Variants in CDC23 observed in about 807,000 individuals in gnomAD.
CDC23 encodes cell division cycle protein 23 homolog.
In CDC23, 26 loss-of-function variants were observed where a neutral mutation model predicts 81.7. The observed-to-expected ratio is 0.32, with a 90% CI of 0.23 to 0.44. The LOEUF (loss-of-function observed/expected upper bound fraction) is 0.44. Among genes scored for constraint, CDC23 ranks in the 20% least tolerant of loss-of-function variants. The pLI is 1.00. For synonymous variants in CDC23, 267 were observed against 270.8 expected (o/e 0.99, Z 0.14); for missense variants, 519 against 728.0 (o/e 0.71, Z 3.30).
At chr5:138,206,401 T>A in intron 3 of CDC23, 146 bp downstream of exon 3, 1 of 786,578 alleles carries the variant, frequency 1.3e-6, no homozygotes, top group Non-Finnish European at 2.1e-6. Flanking sequence ...ACTTTATTTA[T>A]GATATCTTTT....
Position 138,192,162 on chromosome 5 carries a change from C to T in CDC23, c.1286+107G>A, listed in dbSNP as rs959773785. 3.5e-6 allele frequency: 5 copies of T among 1,425,380 alleles called. No individual in the cohort carries two copies. The East Asian group carries it at 1.1e-4, about 33-fold the overall frequency. The allele number at this position is 1,425,380 out of a possible 1,614,324, so 88.3% of individuals were successfully genotyped here. A position where few individuals can be genotyped will look rare whatever the true frequency, so the allele number is the denominator to read the frequency against. On this transcript the variant is annotated intron_variant, in intron 11 of 15. Transcript: ENST00000394886. ...CTTCAGCAACTTTAACCTCAGATCC[C>T]CAAGAGCCAAAACCATCCACTGTGA...
At position 138,192,398 on chromosome 5, in the gene CDC23, G is replaced by A. The variant is rs1754836703; in HGVS notation, c.1167-10C>T. 4 of 1,614,148 alleles carry A rather than the reference G, an allele frequency of 2.5e-6. No individual in the cohort carries two copies. The highest frequency in any genetic ancestry group is 2.5e-6 in the Non-Finnish European group (3 of 1,180,028). On this transcript the variant is annotated splice_polypyrimidine_tract_variant and intron_variant, in intron 10 of 15. Transcript: ENST00000394886. ...GACCTCAATGGCATGTCTAAGAAATGGAAAAGACAGGTTGTTAAGAAGGCA... is the reference window on the plus strand; with the variant it reads ...GACCTCAATGGCATGTCTAAGAAATAGAAAAGACAGGTTGTTAAGAAGGCA...
At position 138,198,631 on chromosome 5, in the gene CDC23, A is replaced by T; in HGVS notation, c.806T>A (p.Ile269Asn). 6.2e-7 allele frequency: 1 copy of T among 1,614,168 alleles called. No homozygotes were observed. Among genetic ancestry groups the T allele is most frequent in the East Asian group, 2.2e-5 (1 of 44,878 alleles). The change falls in exon 7 of 16, where the codon ATT becomes AAT. Residue 269 changes from isoleucine to asparagine, a missense_variant. This residue lies in a region of CDC23 where 180 missense variants were observed against 239.3 expected (regional missense o/e 0.75). Coordinates refer to ENST00000394886, the MANE Select transcript of CDC23 (RefSeq NM_004661.4). ...FSKSSYIVSQ[I>N]AVAYHNIRDI... The stretch of plus-strand genomic sequence containing the variant: ...TCTGATATTGTGATAGGCAACTGCA[A>T]TTTGGGAAACAATATACGAGCTCTT...
chr5:138,199,271 G>C (rs1319466899), intron 6 of CDC23, among the ~76,000 whole-genome samples: 1 of 152,118 alleles, frequency 6.6e-6, no homozygotes, highest in Non-Finnish European at 1.5e-5. Context: ...TTCAGTAAGA[G>C]AATGACATGA....
chr5:138,194,718 CTT>C (rs926814787), intron 9 of CDC23, among the ~76,000 whole-genome samples: 11 of 118,762 alleles, frequency 9.3e-5, no homozygotes, highest in African/African-American at 1.9e-4. Flanking sequence ...TTTTTGGTGT[CTT>C]TTTTTTTTTT....
chr5:138,209,555 T>C (rs1755090423), intron 2 of CDC23, among the ~76,000 whole-genome samples: 1 of 152,162 alleles, frequency 6.6e-6, no homozygotes, highest in Non-Finnish European at 1.5e-5. Flanking sequence ...CCGGGTGTGG[T>C]GGCTCACACC....
intron 3 of CDC23, among the ~76,000 whole-genome samples, chr5:138,203,133 A>C (rs1755007160): frequency 6.6e-6 from 1 of 152,230 alleles, no homozygotes; most frequent in Non-Finnish European, 1.5e-5. Flanking sequence ...GGAAAGATTC[A>C]CATACCAAGA....
chr5:138,213,132 T>G lies in CDC23; in HGVS notation c.161+20A>C. ...AGGCCAAGGATCCAAGCCCCGTCCCTTCCCACTCCAACATCTCACCATTTG... is the reference window on the plus strand; with the variant it reads ...AGGCCAAGGATCCAAGCCCCGTCCCGTCCCACTCCAACATCTCACCATTTG... On this transcript the variant is annotated intron_variant, in intron 1 of 15. Transcript: ENST00000394886. The G allele has an allele frequency of 6.2e-7, 1 of 1,614,066 alleles. No individual in the cohort carries two copies. Among genetic ancestry groups the G allele is most frequent in the Non-Finnish European group, 8.5e-7 (1 of 1,179,984 alleles).
intron 2 of CDC23, among the ~76,000 whole-genome samples, chr5:138,211,889 G>A (rs1337143652): frequency 1.3e-5 from 2 of 152,124 alleles, no homozygotes; most frequent in Admixed American, 6.6e-5. Flanking sequence ...AAGAGTAAAA[G>A]CTAATGAGAC....
intron 4 of CDC23, among the ~76,000 whole-genome samples, chr5:138,201,823 G>A (rs919316798): frequency 3.9e-5 from 6 of 152,034 alleles, no homozygotes; most frequent in African/African-American, 7.2e-5. Context: ...ATTTGAATTC[G>A]TTATGAATGT....
chr5:138,192,766 C>T (rs1484532719), intron 9 of CDC23, 109 bp from the exon 10 acceptor site: 1 of 946,134 alleles, frequency 1.1e-6, no homozygotes, highest in Non-Finnish European at 1.5e-6. Context: ...CCCATTCCCT[C>T]TAAAGTCCTG....
intron 2 of CDC23, among the ~76,000 whole-genome samples, chr5:138,210,541 C>CA (rs1755102648): frequency 6.6e-6 from 1 of 152,010 alleles, no homozygotes; most frequent in African/African-American, 2.4e-5. Flanking sequence ...AATAAATAAA[C>CA]AAAATAAAGT....
chr5:138,202,503 C>T (rs756238797), intron 3 of CDC23, among the ~76,000 whole-genome samples: 15 of 152,174 alleles, frequency 9.9e-5, no homozygotes, highest in Non-Finnish European at 1.8e-4. Context: ...AGGCTGGTCT[C>T]GAACTCCAGA....
intron 2 of CDC23, among the ~76,000 whole-genome samples, chr5:138,208,023 G>C (rs1026729278): frequency 1.3e-5 from 2 of 151,546 alleles, no homozygotes; most frequent in Non-Finnish European, 2.9e-5. Context: ...ATGCAGTGGT[G>C]TGATATTGGC....
chr5:138,208,111 G>A (rs972602329), intron 2 of CDC23, among the ~76,000 whole-genome samples: 8 of 151,936 alleles, frequency 5.3e-5, no homozygotes, highest in Middle Eastern at 3.4e-3. Flanking sequence ...ACAGGTGCCC[G>A]CCACCATGCC....
rs1755139322 is a variant in CDC23 at position 138,213,319 on chromosome 5, G to C, written c.-7C>G. Reference sequence around the variant, plus strand: ...TGGAGGTACTCGCAGCCATTTTCCCGACTCGGGCCACTCCAGCCAATCATC... The same window carrying C: ...TGGAGGTACTCGCAGCCATTTTCCCCACTCGGGCCACTCCAGCCAATCATC... On this transcript the variant is annotated 5_prime_UTR_variant, in exon 1 of 16. Transcript: ENST00000394886. The C allele has an allele frequency of 6.2e-7, 1 of 1,612,820 alleles. No homozygotes were observed. The highest frequency in any genetic ancestry group is 8.5e-7 in the Non-Finnish European group (1 of 1,179,380).
chr5:138,204,959 G>A (rs1395633215), intron 3 of CDC23, among the ~76,000 whole-genome samples: 1 of 151,452 alleles, frequency 6.6e-6, no homozygotes, highest in Non-Finnish European at 1.5e-5. Flanking sequence ...CTGTTGCCCA[G>A]GCTGGAGTAT....
chr5:138,211,102 G>A (rs1755107307), intron 2 of CDC23, among the ~76,000 whole-genome samples: 2 of 152,154 alleles, frequency 1.3e-5, no homozygotes, highest in Admixed American at 6.6e-5. Context: ...CAATGGCAAA[G>A]ACATGGAATC....
rs755449287 is a variant in CDC23, at chr5:138,201,461, CAG to C, written c.416-15_416-14del. ...TTTTCCAGGGGGCCTAGGAAAGAAA[CAG>C]AGTCTCTGTTCTAAGGTTAGGATGC... is the stretch of plus-strand genomic sequence containing the variant. On this transcript the variant is annotated splice_polypyrimidine_tract_variant and intron_variant, in intron 4 of 15. Coordinates refer to ENST00000394886, the MANE Select transcript of CDC23 (RefSeq NM_004661.4). The C allele has an allele frequency of 1.9e-6, 3 of 1,570,822 alleles. No homozygotes were observed. Among genetic ancestry groups the C allele is most frequent in the Non-Finnish European group, 2.6e-6 (3 of 1,142,054 alleles).
Sources: gnomAD v4.1 joint callset for allele counts (sites outside exome capture counted in the v4.1 genomes callset) on GRCh38, gnomAD v4.1.1 for gene constraint, gnomAD v4.1.1 regional missense constraint, MANE v1.5 for transcripts, NCBI Gene and HGNC (gene_info 2026-07-23, HGNC 2026-07-21) for gene names.